GABPB2: variants seen among roughly 807,000 people sequenced by gnomAD.
The protein encoded by GABPB2 is GA binding protein transcription factor subunit beta 2.
Under a neutral mutation model 39.1 loss-of-function variants are expected in GABPB2, and 23 were observed. The observed-to-expected ratio is 0.59, with a 90% CI of 0.42 to 0.83. The LOEUF is 0.83. Among genes scored for constraint, GABPB2 ranks in the 40% least tolerant of loss-of-function variants. The probability of loss-of-function intolerance (pLI) is 0.00; values close to 1 mark genes in which losing one functional copy is unlikely to be tolerated. For missense variants in GABPB2, 467 were observed against 541.1 expected, an observed-to-expected ratio of 0.86 and a Z score of 1.36; for synonymous variants, 184 against 199.3, an observed-to-expected ratio of 0.92 and a Z score of 0.65.
intron 7 of GABPB2, among the ~76,000 whole-genome samples, chr1:151,113,197 G>A (rs587697847): frequency 4.0e-4 from 61 of 151,886 alleles, no homozygotes; most frequent in African/African-American, 1.5e-3. Context: ...GGCCGGGTGC[G>A]GTGGCTCACA....
intron 1 of GABPB2, among the ~76,000 whole-genome samples, chr1:151,072,154 C>A (rs1676783270): frequency 1.3e-5 from 2 of 152,230 alleles, no homozygotes; most frequent in Admixed American, 1.3e-4. Flanking sequence ...CATCCAGATT[C>A]TTAAATAAAC....
At chr1:151,098,035 ACTC>A (rs1425656453) in intron 5 of GABPB2, 33 bp downstream of exon 5, 1 of 1,603,484 alleles carries the variant, frequency 6.2e-7, no homozygotes, top group African/African-American at 1.3e-5. Flanking sequence ...TTTATTTTAG[ACTC>A]AAAAAAGAAC....
At chr1:151,078,284 A>G (rs1225444981) in intron 1 of GABPB2, among the ~76,000 whole-genome samples, 1 of 148,760 alleles carries the variant, frequency 6.7e-6, no homozygotes, top group Non-Finnish European at 1.5e-5. Flanking sequence ...AAAAAAAAAA[A>G]AAAGAGTAAG....
chr1:151,093,227 G>A lies in GABPB2; in HGVS notation c.312G>A (p.Lys104=), dbSNP rs1442194339. 5 of 1,605,064 alleles carry A rather than the reference G, an allele frequency of 3.1e-6. No individual in the cohort carries two copies. Among genetic ancestry groups the A allele is most frequent in the Non-Finnish European group, 3.4e-6 (4 of 1,176,588 alleles). The change falls in exon 4 of 9, where the codon AAG becomes AAA. Residue 104 remains lysine (K), a synonymous_variant. Coordinates refer to ENST00000368918, the MANE Select transcript of GABPB2 (RefSeq NM_144618.3). ...GADVNAKDML[K]MTALHWATER... ...ATGTGAATGCCAAGGACATGCTGAA[G>A]ATGACAGCTTTGCATTGGGCCACAG...
Position 151,115,402 on chromosome 1 carries a change from C to CT in GABPB2, c.923-1974dup, listed in dbSNP as rs111270273. On this transcript the variant is annotated intron_variant, in intron 7 of 8. Coordinates refer to ENST00000368918, the MANE Select transcript of GABPB2 (RefSeq NM_144618.3). ...AAGAAAGAAACTGGCAAACTATTTT[C>CT]TTTTTTTTTTTTTTTTCAAATGGAG... Among the ~76,000 whole-genome samples the CT allele has an allele frequency of 6.8e-5, 9 of 132,914 alleles. No homozygotes were observed. The East Asian group carries it at 8.8e-4, about 13-fold the overall frequency. 87.2% of individuals were successfully genotyped at this position (132,914 alleles called of 152,430 possible).
chr1:151,099,892 G>A (rs1679381824), intron 5 of GABPB2, among the ~76,000 whole-genome samples: 1 of 152,138 alleles, frequency 6.6e-6, no homozygotes, highest in South Asian at 2.1e-4. Flanking sequence ...TGTATTTCAA[G>A]GTCCATTTTA....
chr1:151,098,140 T>A, intron 5 of GABPB2, 138 bp downstream of exon 5: 1 of 724,548 alleles, frequency 1.4e-6, no homozygotes, highest in Non-Finnish European at 2.3e-6. Flanking sequence ...TAATAGATTT[T>A]AAAGCTGAGG....
rs183767349 is a variant in GABPB2, at chr1:151,105,809, A to G, written c.737-1228A>G. On this transcript the variant is annotated intron_variant, in intron 6 of 8. Coordinates refer to ENST00000368918, the MANE Select transcript of GABPB2 (RefSeq NM_144618.3). ...CGTGAGCCACCATACCCAGCCAGCT[A>G]TTATTCTTGATTTATCAGAGGAAAA... Among the ~76,000 whole-genome samples, 761 of 150,988 alleles carry G rather than the reference A, an allele frequency of 5.0e-3. 4 individuals are homozygous for G. Among genetic ancestry groups the G allele is most frequent in the Non-Finnish European group, 7.3e-3 (494 of 67,580 alleles).
At chr1:151,074,831 T>C (rs1167937174) in intron 1 of GABPB2, among the ~76,000 whole-genome samples, 5 of 152,174 alleles carry the variant, frequency 3.3e-5, no homozygotes, top group African/African-American at 1.2e-4. Context: ...TATCTCGTGC[T>C]GACCTCCTAT....
rs983508687 is a variant in GABPB2, at chr1:151,121,345, G to T, written c.*3089G>T. On this transcript the variant is annotated 3_prime_UTR_variant, in exon 9 of 9. Transcript: ENST00000368918. ...GTGCCATAAAGAACCAAAGATTCTGGCTACTTTGTCTTCTTCCTTTCTCTC... is the reference window on the plus strand; with the variant it reads ...GTGCCATAAAGAACCAAAGATTCTGTCTACTTTGTCTTCTTCCTTTCTCTC... 8 of 152,160 alleles carry T rather than the reference G, an allele frequency of 5.3e-5. No individual in the cohort carries two copies. Among genetic ancestry groups the T allele is most frequent in the African/African-American group, 1.9e-4 (8 of 41,432 alleles). 9.4% of individuals were successfully genotyped at this position (152,160 alleles called of 1,614,324 possible).
In GABPB2 at chr1:151,098,018, C is replaced by T. The variant is rs1477601756; in HGVS notation, c.622+16C>T. ...ACAACCTCAGGTAATGTTCTGATAA[C>T]ATGAAATTTATTTTAGACTCAAAAA... On this transcript the variant is annotated intron_variant, in intron 5 of 8. Transcript: ENST00000368918. The T allele has an allele frequency of 2.5e-6, 4 of 1,610,858 alleles. No homozygotes were observed. The highest frequency in any genetic ancestry group is 3.4e-6 in the Non-Finnish European group (4 of 1,177,782).
intron 1 of GABPB2, among the ~76,000 whole-genome samples, chr1:151,071,963 C>A (rs1025212801): frequency 2.0e-5 from 3 of 152,156 alleles, no homozygotes; most frequent in Non-Finnish European, 2.9e-5. Flanking sequence ...TCTAGGGGGT[C>A]CCCCCCAACC....
intron 1 of GABPB2, among the ~76,000 whole-genome samples, chr1:151,082,741 G>A (rs892667742): frequency 6.6e-6 from 1 of 151,952 alleles, no homozygotes; most frequent in East Asian, 1.9e-4. Flanking sequence ...GTTAGTTTAC[G>A]AAGGCAGGAG....
chr1:151,076,567 T>A (rs1234819059), intron 1 of GABPB2, among the ~76,000 whole-genome samples: 1 of 148,748 alleles, frequency 6.7e-6, no homozygotes, highest in Non-Finnish European at 1.5e-5. Context: ...GTAGCTGGGA[T>A]TACAGGCATA....
At chr1:151,084,783 C>T (rs1251360700) in intron 1 of GABPB2, among the ~76,000 whole-genome samples, 3 of 151,686 alleles carry the variant, frequency 2.0e-5, no homozygotes, top group East Asian at 2.0e-4. Context: ...ATCCGCCCGC[C>T]TCTGCCTCCC....
chr1:151,077,887 G>T (rs1225761290), intron 1 of GABPB2, among the ~76,000 whole-genome samples: 1 of 152,072 alleles, frequency 6.6e-6, no homozygotes, highest in Non-Finnish European at 1.5e-5. Flanking sequence ...AGGAGGCTGA[G>T]GGTGCAGTGA....
At chr1:151,075,286 C>T (rs993974524) in intron 1 of GABPB2, among the ~76,000 whole-genome samples, 6 of 151,716 alleles carry the variant, frequency 4.0e-5, no homozygotes, top group Admixed American at 6.6e-5. Context: ...AAAAATTGGC[C>T]GGGCACGGTG....
intron 1 of GABPB2, 23 bp from the exon 2 acceptor site, chr1:151,088,167 A>G: frequency 6.4e-7 from 1 of 1,569,890 alleles, no homozygotes; most frequent in Non-Finnish European, 8.8e-7. Context: ...GCTACCTGAA[A>G]ACTTTTGTTC....
At chr1:151,098,463 T>C (rs1679274007) in intron 5 of GABPB2, among the ~76,000 whole-genome samples, 1 of 149,620 alleles carries the variant, frequency 6.7e-6, no homozygotes, top group Non-Finnish European at 1.5e-5. Flanking sequence ...ATTGTGCCAC[T>C]GTACTCTGGC....
Sources: allele counts gnomAD v4.1 joint callset (sites outside exome capture counted in the v4.1 genomes callset), GRCh38; gene constraint gnomAD v4.1.1; transcripts MANE v1.5; gene names NCBI Gene and HGNC (gene_info 2026-07-23, HGNC 2026-07-21).